The following CFAP20DC variants were observed in gnomAD, a reference collection of about 807,000 sequenced individuals.
The protein encoded by CFAP20DC is protein CFAP20DC.
A neutral mutation model predicts 101.7 loss-of-function variants in CFAP20DC; 84 were observed. That is an observed-to-expected ratio of 0.83 (90% CI 0.69 to 0.99). The LOEUF is 0.99. Ranked by LOEUF, CFAP20DC falls within the 50% of genes least tolerant of loss-of-function variation. The pLI, the probability that CFAP20DC is intolerant of heterozygous loss-of-function variation, is 0.00. For missense variants in CFAP20DC, 1,007 were observed against 970.3 expected, an observed-to-expected ratio of 1.04 and a Z score of -0.50; for synonymous variants, 359 against 351.2, an observed-to-expected ratio of 1.02 and a Z score of -0.25.
chr3:58,867,691 G>T, intron 10 of CFAP20DC, 126 bp downstream of exon 10: 1 of 1,171,390 alleles, frequency 8.5e-7, no homozygotes, highest in Non-Finnish European at 1.2e-6. Flanking sequence ...CATAATCCTT[G>T]TAGAACAGAC....
At chr3:58,937,222 G>A (rs553958617) in intron 5 of CFAP20DC, among the ~76,000 whole-genome samples, 47 of 152,282 alleles carry the variant, frequency 3.1e-4, no homozygotes, top group Non-Finnish European at 6.5e-4. Flanking sequence ...GTTCTCCGGA[G>A]GTTACCTCTT....
intron 5 of CFAP20DC, among the ~76,000 whole-genome samples, chr3:58,931,249 A>T (rs2086630929): frequency 6.6e-6 from 1 of 152,102 alleles, no homozygotes; most frequent in South Asian, 2.1e-4. Flanking sequence ...AGGCTTGCTT[A>T]GGTAAACAAA....
chr3:58,939,834 G>A (rs906295956), intron 4 of CFAP20DC, among the ~76,000 whole-genome samples: 1 of 142,572 alleles, frequency 7.0e-6, no homozygotes, highest in Non-Finnish European at 1.5e-5. Flanking sequence ...TGGTGCAATC[G>A]TGGCTTACTG....
Position 58,806,432 on chromosome 3 carries a change from G to C in CFAP20DC, c.2200C>G (p.Gln734Glu). 4 of 1,611,958 alleles carry C rather than the reference G, an allele frequency of 2.5e-6. No homozygotes were observed. The highest frequency in any genetic ancestry group is 3.4e-6 in the Non-Finnish European group (4 of 1,178,190). Reference sequence around the variant, plus strand: ...GGAGAAGGTGGGTTCATTTCTTTCTGATAGTGGCGACCCTGGTTGACAGGC... The same window carrying C: ...GGAGAAGGTGGGTTCATTTCTTTCTCATAGTGGCGACCCTGGTTGACAGGC... Reference protein sequence around the residue: ...PPPVNQGRHYQKEMNPPSPSN... With the variant: ...PPPVNQGRHYEKEMNPPSPSN... The change falls in exon 15 of 17, where the codon CAG (glutamine) becomes GAG (glutamate). Residue 734 changes from glutamine (Q) to glutamate (E), a missense_variant. Transcript: ENST00000482387.
chr3:58,806,404 G>A lies in CFAP20DC; in HGVS notation c.2228C>T (p.Ser743Phe). 3 of 1,600,478 alleles carry A rather than the reference G, an allele frequency of 1.9e-6. No homozygotes were observed. Among genetic ancestry groups the A allele is most frequent in the African/African-American group, 1.3e-5 (1 of 74,710 alleles). The change falls in exon 15 of 17, where the codon TCT (serine) becomes TTT (phenylalanine). Residue 743 changes from serine (S) to phenylalanine (F), a missense_variant. Physicochemically the swap from Ser to Phe is radical, Grantham distance 155. Transcript: ENST00000482387. ...YQKEMNPPSP[S>F]NPRDWLNMLS... The stretch of plus-strand genomic sequence containing the variant: ...TATTAATGATTCTTACCGGGGATTA[G>A]AAGGAGAAGGTGGGTTCATTTCTTT...
chr3:59,025,648 C>T (rs1053402298), intron 4 of CFAP20DC, among the ~76,000 whole-genome samples: 1 of 152,108 alleles, frequency 6.6e-6, no homozygotes, highest in Non-Finnish European at 1.5e-5. Context: ...TGTCCCAGGT[C>T]ACCATGCTAA....
chr3:58,936,639 C>G (rs2087676765), intron 5 of CFAP20DC, among the ~76,000 whole-genome samples: 1 of 152,124 alleles, frequency 6.6e-6, no homozygotes. Flanking sequence ...ATGGATGAAG[C>G]TGGAAACCAT....
intron 15 of CFAP20DC, among the ~76,000 whole-genome samples, chr3:58,777,406 C>T (rs573922573): frequency 1.3e-5 from 2 of 152,280 alleles, no homozygotes; most frequent in Non-Finnish European, 2.9e-5. Context: ...GTGTCACAGG[C>T]GTGCATCATT....
At chr3:58,998,341 C>T (rs1482519352) in intron 4 of CFAP20DC, among the ~76,000 whole-genome samples, 1 of 152,158 alleles carries the variant, frequency 6.6e-6, no homozygotes, top group Non-Finnish European at 1.5e-5. Context: ...GAGAATTTAG[C>T]TATCCTCTGT....
rs140160113 is a variant in CFAP20DC, at chr3:59,009,947, T to C, written c.278+29610A>G. On this transcript the variant is annotated intron_variant, in intron 4 of 16. Transcript: ENST00000482387. ...AAATAATAGCCAAGAATTTTGTATC[T>C]GGTGAAACTAAGCTTCATAAATGAA... is the stretch of plus-strand genomic sequence containing the variant. Among the ~76,000 whole-genome samples the C allele has an allele frequency of 4.8e-3, 724 of 152,318 alleles. 6 individuals are homozygous for C. The highest frequency in any genetic ancestry group is 0.017 in the African/African-American group (698 of 41,582).
chr3:58,958,493 A>C lies in CFAP20DC; in HGVS notation c.279-20731T>G, dbSNP rs116594509. ...CTGAATGATGCTGCTATGAGTATTCATGTTCAACTCTTTATGTGGACACGT... is the reference window on the plus strand; with the variant it reads ...CTGAATGATGCTGCTATGAGTATTCCTGTTCAACTCTTTATGTGGACACGT... On this transcript the variant is annotated intron_variant, in intron 4 of 16. Transcript: ENST00000482387. Among the ~76,000 whole-genome samples, 409 of 152,266 alleles carry C rather than the reference A, an allele frequency of 2.7e-3. 1 individual carries two copies. The highest frequency in any genetic ancestry group is 9.3e-3 in the African/African-American group (385 of 41,558).
At position 58,722,596 on chromosome 3, in the gene CFAP20DC, G is replaced by A. The variant is rs2067488301; in HGVS notation, c.198-4968C>T. On this transcript the variant is annotated intron_variant, in intron 3 of 3. Coordinates refer to the CFAP20DC transcript ENST00000486145. This position sits in a 1 kb window ranked among gnomAD's most constrained non-coding sequence, Gnocchi z 4.5. Reference sequence around the variant, plus strand: ...CAAAAGCCCAGCTCTCCCCTTCGACGCAGGGTCAAGGCAAGACAGGGAATA... The same window carrying A: ...CAAAAGCCCAGCTCTCCCCTTCGACACAGGGTCAAGGCAAGACAGGGAATA... Among the ~76,000 whole-genome samples, 1 of 152,160 alleles carries A rather than the reference G, an allele frequency of 6.6e-6. No homozygotes were observed. The highest frequency in any genetic ancestry group is 6.5e-5 in the Admixed American group (1 of 15,280).
chr3:58,938,684 C>A (rs2088063338), intron 4 of CFAP20DC, among the ~76,000 whole-genome samples: 2 of 152,054 alleles, frequency 1.3e-5, no homozygotes, highest in Non-Finnish European at 1.5e-5. Context: ...TTGGCATTGT[C>A]TTTTCTACAG....
intron 7 of CFAP20DC, among the ~76,000 whole-genome samples, chr3:58,877,803 A>G (rs915202887): frequency 3.9e-5 from 6 of 152,192 alleles, no homozygotes; most frequent in Non-Finnish European, 2.9e-5. Context: ...TTTATTAATG[A>G]TTGTATAGAT....
chr3:58,918,471 G>A (rs1334371237), intron 5 of CFAP20DC, among the ~76,000 whole-genome samples: 1 of 152,060 alleles, frequency 6.6e-6, no homozygotes, highest in East Asian at 1.9e-4. Flanking sequence ...TGTTCAACAT[G>A]CTAATGGTCC....
chr3:58,990,145 T>C (rs1178980445), intron 4 of CFAP20DC, among the ~76,000 whole-genome samples: 1 of 152,174 alleles, frequency 6.6e-6, no homozygotes, highest in Non-Finnish European at 1.5e-5. Flanking sequence ...GCAGTCCTGA[T>C]CAGCCCTCAG....
At chr3:58,976,288 G>C (rs1378259262) in intron 4 of CFAP20DC, among the ~76,000 whole-genome samples, 1 of 152,188 alleles carries the variant, frequency 6.6e-6, no homozygotes, top group Non-Finnish European at 1.5e-5. Context: ...GAAAGTAAAG[G>C]TAGGTGGGGA....
intron 1 of CFAP20DC, 39 bp downstream of exon 1, chr3:59,049,572 A>G: frequency 1.3e-6 from 2 of 1,523,482 alleles, no homozygotes; most frequent in Non-Finnish European, 1.8e-6. Flanking sequence ...ACCCAAGAGG[A>G]GAAAGGTATA....
At chr3:58,754,898 A>G (rs2068826001) in intron 15 of CFAP20DC, among the ~76,000 whole-genome samples, 1 of 152,322 alleles carries the variant, frequency 6.6e-6, no homozygotes, top group Non-Finnish European at 1.5e-5. Context: ...AACAAATGGA[A>G]GAAAAACATT....
Sources: allele counts gnomAD v4.1 joint callset (sites outside exome capture counted in the v4.1 genomes callset), GRCh38; gene constraint gnomAD v4.1.1; non-coding constraint Gnocchi (gnomAD v3.1); transcripts MANE v1.5; gene names NCBI Gene and HGNC (gene_info 2026-07-23, HGNC 2026-07-21).